The following TPRG1 variants were observed in gnomAD, a reference collection of about 807,000 sequenced individuals.
The protein encoded by TPRG1 is tumor protein p63-regulated gene 1 protein.
TPRG1 carries 29 observed loss-of-function variants against 29.3 expected under a neutral mutation model. The observed-to-expected ratio is 0.99, with a 90% confidence interval of 0.74 to 1.35. The LOEUF (loss-of-function observed/expected upper bound fraction) is 1.35. TPRG1 is among the 40% of genes most tolerant of loss of function. The probability of loss-of-function intolerance (pLI) is 0.00; values close to 1 mark genes in which losing one functional copy is unlikely to be tolerated. For missense variants in TPRG1, 327 were observed against 335.0 expected, an observed-to-expected ratio of 0.98 and a Z score of 0.19; for synonymous variants, 130 against 116.8, an observed-to-expected ratio of 1.11 and a Z score of -0.73.
chr3:189,243,980 C>G (rs2108971361), intron 4 of TPRG1, among the ~76,000 whole-genome samples: 1 of 152,328 alleles, frequency 6.6e-6, no homozygotes, highest in South Asian at 2.1e-4. Flanking sequence ...TCTGAACCCT[C>G]TAAACTCATT....
At chr3:189,112,625 A>C (rs1720671404) in intron 1 of TPRG1, among the ~76,000 whole-genome samples, 2 of 152,190 alleles carry the variant, frequency 1.3e-5, no homozygotes, top group African/African-American at 4.8e-5. Context: ...CCATTTATTA[A>C]ATAGGGAATC....
intron 1 of TPRG1, among the ~76,000 whole-genome samples, chr3:189,206,807 C>CTGTGTGTGTG (rs1560551111): frequency 1.0e-3 from 61 of 60,586 alleles, no homozygotes; most frequent in African/African-American, 5.9e-3. Flanking sequence ...AGCTGAACAA[C>CTGTGTGTGTG]CGTGTGTGTG....
intron 3 of TPRG1, among the ~76,000 whole-genome samples, chr3:189,022,516 TG>T (rs564967987): frequency 2.0e-5 from 3 of 151,470 alleles, no homozygotes; most frequent in Non-Finnish European, 4.4e-5. Flanking sequence ...GTGCCCCTGC[TG>T]GGGGGTGCCT....
intron 3 of TPRG1, among the ~76,000 whole-genome samples, chr3:189,143,160 CT>C (rs5855240): frequency 2.6e-5 from 4 of 151,818 alleles, no homozygotes; most frequent in East Asian, 3.9e-4. Context: ...TTAGGATCAT[CT>C]TTTTTTTATA....
intron 3 of TPRG1, among the ~76,000 whole-genome samples, chr3:189,134,416 T>A (rs1205699263): frequency 2.5e-4 from 37 of 146,140 alleles, no homozygotes; most frequent in Non-Finnish European, 4.4e-4. Flanking sequence ...TTTTTTTTTT[T>A]TTTTTTTTTT....
chr3:189,184,942 C>T (rs900285344), intron 1 of TPRG1, among the ~76,000 whole-genome samples: 4 of 152,176 alleles, frequency 2.6e-5, no homozygotes, highest in Admixed American at 1.3e-4. Flanking sequence ...AGGCACTTAC[C>T]TTGGCGTGCG....
At chr3:189,119,500 T>C (rs951375386) in intron 1 of TPRG1, among the ~76,000 whole-genome samples, 3 of 152,282 alleles carry the variant, frequency 2.0e-5, no homozygotes, top group Admixed American at 6.5e-5. Context: ...CAAGGGCAAA[T>C]TGATATGGTT....
At chr3:189,118,019 G>A (rs1394370388) in intron 1 of TPRG1, among the ~76,000 whole-genome samples, 5 of 152,206 alleles carry the variant, frequency 3.3e-5, no homozygotes, top group Non-Finnish European at 7.3e-5. Flanking sequence ...GAAGAAGACA[G>A]GAAGATGTGG....
At chr3:189,015,803 T>C (rs970726214) in intron 3 of TPRG1, among the ~76,000 whole-genome samples, 15 of 151,974 alleles carry the variant, frequency 9.9e-5, no homozygotes, top group African/African-American at 3.6e-4. Context: ...AAGGTAAGAG[T>C]TGAGGTTTGG....
intron 4 of TPRG1, among the ~76,000 whole-genome samples, chr3:189,045,995 C>G (rs1714951575): frequency 6.6e-6 from 1 of 152,180 alleles, no homozygotes; most frequent in Admixed American, 6.5e-5. Flanking sequence ...AGATGTTACT[C>G]AAAGTCAGGA....
intron 1 of TPRG1, among the ~76,000 whole-genome samples, chr3:189,206,656 A>G (rs760147424): frequency 1.3e-5 from 2 of 151,968 alleles, no homozygotes; most frequent in Admixed American, 6.5e-5. Flanking sequence ...ACATTCCGCC[A>G]TGTCTGGCTA....
intron 5 of TPRG1, among the ~76,000 whole-genome samples, chr3:189,162,818 A>G (rs1216493006): frequency 1.3e-5 from 2 of 152,234 alleles, no homozygotes; most frequent in Non-Finnish European, 2.9e-5. Flanking sequence ...TCCCACCTAT[A>G]AAATTTCAAT....
chr3:189,297,985 A>G (rs1190776894), intron 4 of TPRG1, among the ~76,000 whole-genome samples: 1 of 152,210 alleles, frequency 6.6e-6, no homozygotes, highest in East Asian at 1.9e-4. Context: ...CTGGGTGGAA[A>G]TGCAAAGCTC....
intron 3 of TPRG1, among the ~76,000 whole-genome samples, chr3:189,133,795 T>C (rs1723389954): frequency 6.6e-6 from 1 of 152,224 alleles, no homozygotes; most frequent in Non-Finnish European, 1.5e-5. Flanking sequence ...GAGAGGGTTG[T>C]GTTAATGCAT....
At chr3:189,181,136 C>T (rs1730161357) in intron 1 of TPRG1, among the ~76,000 whole-genome samples, 2 of 152,128 alleles carry the variant, frequency 1.3e-5, no homozygotes, top group African/African-American at 4.8e-5. Context: ...GGATGGAGAC[C>T]CTGGGCCCAG....
chr3:189,188,378 G>C (rs908125265), intron 1 of TPRG1, among the ~76,000 whole-genome samples: 5 of 152,170 alleles, frequency 3.3e-5, no homozygotes, highest in African/African-American at 4.8e-5. Context: ...ATTTTACTCT[G>C]TTTTGTTTCA....
intron 5 of TPRG1, among the ~76,000 whole-genome samples, chr3:189,154,886 G>A (rs988490219): frequency 6.6e-6 from 1 of 152,236 alleles, no homozygotes; most frequent in Non-Finnish European, 1.5e-5. Flanking sequence ...GGGTTGGGGT[G>A]TGGTGGCTAT....
chr3:189,102,832 T>C (rs1020631870), intron 1 of TPRG1, among the ~76,000 whole-genome samples: 4 of 152,172 alleles, frequency 2.6e-5, no homozygotes, highest in African/African-American at 9.7e-5. Flanking sequence ...TTCCTAACAC[T>C]TATTTTGCCC....
intron 1 of TPRG1, among the ~76,000 whole-genome samples, chr3:189,186,843 C>T (rs910669625): frequency 1.2e-4 from 19 of 152,074 alleles, no homozygotes; most frequent in Admixed American, 6.6e-5. Context: ...TCAGGAATTC[C>T]CCACTATCGC....
Sources: allele counts gnomAD v4.1 joint callset (sites outside exome capture counted in the v4.1 genomes callset), GRCh38; gene constraint gnomAD v4.1.1; transcripts MANE v1.5; gene names NCBI Gene and HGNC (gene_info 2026-07-23, HGNC 2026-07-21).